The following PDE8B variants were observed in gnomAD, a reference collection of about 807,000 sequenced individuals.
The protein encoded by PDE8B is phosphodiesterase 8B.
In PDE8B, 26 loss-of-function variants were observed where a neutral mutation model predicts 101.3. The ratio of observed to expected loss-of-function variants is 0.26; its 90% CI spans 0.19 to 0.36. The LOEUF (loss-of-function observed/expected upper bound fraction) is 0.36, where lower values mean the gene tolerates loss of function less well. Among genes scored for constraint, PDE8B ranks in the 10% least tolerant of loss-of-function variants. PDE8B has a pLI of 1.00. For synonymous variants in PDE8B, 424 were observed against 429.3 expected (o/e 0.99, Z 0.15); for missense variants, 810 against 1,163.1 (o/e 0.70, Z 4.42).
the PDE8B span, among the ~76,000 whole-genome samples, chr5:77,122,090 T>G: frequency 3.3e-5 from 5 of 152,234 alleles, no homozygotes; most frequent in African/African-American, 1.2e-4. Flanking sequence ...GCTCTAGATT[T>G]CCCTTAACCT....
At chr5:77,273,089 G>T (rs530709453) in intron 1 of PDE8B, among the ~76,000 whole-genome samples, 1 of 152,260 alleles carries the variant, frequency 6.6e-6, no homozygotes, top group African/African-American at 2.4e-5. Flanking sequence ...CATTATAGCT[G>T]ATTATAAGAG....
chr5:77,153,275 G>A, the PDE8B span, among the ~76,000 whole-genome samples: 8 of 152,288 alleles, frequency 5.3e-5, no homozygotes, highest in African/African-American at 1.2e-4. Flanking sequence ...TTTAAAAAAA[G>A]GGTTATTTTA....
intron 2 of PDE8B, among the ~76,000 whole-genome samples, chr5:77,320,060 T>C (rs1404965726): frequency 6.6e-6 from 1 of 152,216 alleles, no homozygotes; most frequent in Non-Finnish European, 1.5e-5. Flanking sequence ...TTCAGTATGT[T>C]GACACAAATT....
chr5:77,158,300 G>A, the PDE8B span, among the ~76,000 whole-genome samples: 1 of 152,194 alleles, frequency 6.6e-6, no homozygotes, highest in Non-Finnish European at 1.5e-5. Flanking sequence ...AGTGATTCAA[G>A]TCAACAAATG....
intron 1 of PDE8B, among the ~76,000 whole-genome samples, chr5:77,246,417 G>C (rs1756956422): frequency 6.6e-6 from 1 of 152,086 alleles, no homozygotes; most frequent in African/African-American, 2.4e-5. Context: ...TTTATTGCAG[G>C]GTTCTGAAAC....
chr5:77,256,386 A>G (rs1759181369), intron 1 of PDE8B, among the ~76,000 whole-genome samples: 1 of 152,244 alleles, frequency 6.6e-6, no homozygotes, highest in Admixed American at 6.5e-5. Flanking sequence ...AAAAATGCTT[A>G]TATCTTGATA....
chr5:77,146,606 G>C, the PDE8B span: 1 of 277,048 alleles, frequency 3.6e-6, no homozygotes, highest in Non-Finnish European at 7.1e-6. Context: ...GAGGCAAGGT[G>C]TTATTATATG....
the PDE8B span, among the ~76,000 whole-genome samples, chr5:77,101,259 C>A: frequency 6.6e-6 from 1 of 152,010 alleles, no homozygotes; most frequent in Non-Finnish European, 1.5e-5. Context: ...GAGTGAGCCG[C>A]TGCACCAGGT....
chr5:77,350,708 G>A (rs1347146303), intron 8 of PDE8B, among the ~76,000 whole-genome samples: 2 of 152,138 alleles, frequency 1.3e-5, no homozygotes, highest in African/African-American at 4.8e-5. Flanking sequence ...TTACCCACCT[G>A]TAAATTTAGT....
At chr5:77,232,469 A>T (rs1401428945) in intron 1 of PDE8B, among the ~76,000 whole-genome samples, 6 of 152,240 alleles carry the variant, frequency 3.9e-5, no homozygotes. Context: ...AGTTAATCAA[A>T]GTGGAATTTA....
intron 2 of PDE8B, among the ~76,000 whole-genome samples, chr5:77,315,271 T>A (rs1773561217): frequency 6.6e-6 from 1 of 152,176 alleles, no homozygotes; most frequent in Non-Finnish European, 1.5e-5. Context: ...TCTAGAGACT[T>A]TATTGTTTTA....
Position 77,409,019 on chromosome 5 carries a change from G to A in PDE8B, c.1492G>A (p.Asp498Asn), listed in dbSNP as rs1167794833. 6.2e-7 allele frequency: 1 copy of A among 1,614,036 alleles called. No homozygotes were observed. Among genetic ancestry groups the A allele is most frequent in the Non-Finnish European group, 8.5e-7 (1 of 1,179,906 alleles). Reference protein sequence around the residue: ...YSPQLGTKDEDPHTSDLVGGL... With the variant: ...YSPQLGTKDENPHTSDLVGGL... ...CCCTCAGCTGGGTACCAAAGATGAA[G>A]ATCCCCACACCAGTGATCTTGTTGG... The change falls in exon 14 of 22, where the codon GAT (aspartate) becomes AAT (asparagine). Residue 498 changes from aspartate (D) to asparagine (N), a missense_variant. Asp to Asn is a conservative substitution (Grantham distance 23, BLOSUM62 1). This residue lies in a region of PDE8B where 325 missense variants were observed against 560.9 expected (regional missense o/e 0.58). Transcript: ENST00000264917.
At chr5:77,358,959 G>A (rs1365008662) in intron 10 of PDE8B, among the ~76,000 whole-genome samples, 2 of 152,290 alleles carry the variant, frequency 1.3e-5, no homozygotes, top group Non-Finnish European at 1.5e-5. Flanking sequence ...GCTTTAGTAC[G>A]TATTTACAAG....
chr5:77,269,825 C>T (rs1467409377), intron 1 of PDE8B, among the ~76,000 whole-genome samples: 1 of 152,060 alleles, frequency 6.6e-6, no homozygotes, highest in Non-Finnish European at 1.5e-5. Context: ...TGTTCCATTG[C>T]TCTATGTGTC....
chr5:77,425,066 T>C (rs966798052), intron 20 of PDE8B, among the ~76,000 whole-genome samples: 2 of 152,208 alleles, frequency 1.3e-5, no homozygotes, highest in Non-Finnish European at 2.9e-5. Flanking sequence ...TTGGTGCTAG[T>C]TCATTGAGTC....
rs145906945 is a variant in PDE8B at position 77,410,880 on chromosome 5, G to A, written c.1531-796G>A. The stretch of plus-strand genomic sequence containing the variant: ...TTATACTTTAAGTTTTAGGGTACAT[G>A]TGCACAACGTGCAGGTTTGTTACAT... On this transcript the variant is annotated intron_variant, in intron 14 of 21. Coordinates refer to ENST00000264917, the MANE Select transcript of PDE8B (RefSeq NM_003719.5). The A allele has an allele frequency of 2.0e-5, 3 of 152,060 alleles. No individual in the cohort carries two copies. In the East Asian group the frequency reaches 5.8e-4, roughly 29 times the overall value. The allele number at this position is 152,060 out of a possible 1,614,324, so 9.4% of individuals were successfully genotyped here. A position where few individuals can be genotyped will look rare whatever the true frequency, so the allele number is the denominator to read the frequency against.
chr5:77,342,859 A>G (rs950631923), intron 6 of PDE8B, among the ~76,000 whole-genome samples: 2 of 152,158 alleles, frequency 1.3e-5, no homozygotes, highest in African/African-American at 4.8e-5. Context: ...TGCCAGGGGG[A>G]ATGGTTGGAA....
chr5:77,138,309 G>T, the PDE8B span, among the ~76,000 whole-genome samples: 1 of 152,098 alleles, frequency 6.6e-6, no homozygotes, highest in East Asian at 1.9e-4. Context: ...CTGCTTTTAG[G>T]TCTTAAATGG....
At chr5:77,176,121 T>C in the PDE8B span, among the ~76,000 whole-genome samples, 1 of 152,166 alleles carries the variant, frequency 6.6e-6, no homozygotes, top group Non-Finnish European at 1.5e-5. Context: ...GAGTTATACA[T>C]CGGAAGCAGG....
Sources: gnomAD v4.1 joint callset for allele counts (sites outside exome capture counted in the v4.1 genomes callset) on GRCh38, gnomAD v4.1.1 for gene constraint, gnomAD v4.1.1 regional missense constraint, MANE v1.5 for transcripts, NCBI Gene and HGNC (gene_info 2026-07-23, HGNC 2026-07-21) for gene names.